NEMP2: variants seen among roughly 807,000 people sequenced by gnomAD.
NEMP2 encodes nuclear envelope integral membrane protein 2.
NEMP2 carries 53 observed loss-of-function variants against 54.2 expected under a neutral mutation model. The observed-to-expected ratio is 0.98, with a 90% confidence interval of 0.78 to 1.23. The LOEUF (loss-of-function observed/expected upper bound fraction) is 1.23, where lower values mean the gene tolerates loss of function less well. Ranked by LOEUF, NEMP2 falls within the 50% of genes most tolerant of loss-of-function variation. The pLI is 0.00. For missense variants in NEMP2, 455 were observed against 511.3 expected, an observed-to-expected ratio of 0.89 and a Z score of 1.06; for synonymous variants, 197 against 190.3, an observed-to-expected ratio of 1.04 and a Z score of -0.29.
downstream of NEMP2, chr2:190,500,727 T>C (rs1689985391): frequency 6.5e-6 from 1 of 153,324 alleles, no homozygotes; most frequent in African/African-American, 2.4e-5. The surrounding 1 kb of genome is among the most constrained non-coding windows in gnomAD (Gnocchi z 5.3). Flanking sequence ...CAGATAAAAG[T>C]AGCACATGTG....
chr2:190,541,305 G>C, the NEMP2 span, among the ~76,000 whole-genome samples: 1,736 of 151,820 alleles, frequency 0.011, 37 homozygotes, highest in African/African-American at 0.038. This position sits in a 1 kb window ranked among gnomAD's most constrained non-coding sequence, Gnocchi z 5.2. Context: ...TTCCTTTCTA[G>C]TTCCTTCAGG....
downstream of NEMP2, chr2:190,501,757 C>T (rs1194690373): frequency 6.6e-6 from 1 of 152,576 alleles, no homozygotes; most frequent in African/African-American, 2.4e-5. Context: ...AATAAAATAA[C>T]TGAAAGAAAT....
At chr2:190,636,903 C>T in the NEMP2 span, among the ~76,000 whole-genome samples, 3 of 152,238 alleles carry the variant, frequency 2.0e-5, no homozygotes, top group African/African-American at 7.2e-5. Flanking sequence ...CCAGAACATT[C>T]AGACAGACAA....
chr2:190,536,876 A>G (rs551909960), upstream of NEMP2, among the ~76,000 whole-genome samples: 4 of 152,348 alleles, frequency 2.6e-5, no homozygotes, highest in African/African-American at 9.6e-5. Flanking sequence ...GATTGACTCA[A>G]CTACCCACAT....
At chr2:190,612,152 C>CTTTTTT in the NEMP2 span, among the ~76,000 whole-genome samples, 4 of 115,786 alleles carry the variant, frequency 3.5e-5, no homozygotes, top group Non-Finnish European at 6.8e-5. Flanking sequence ...AAACATCCCT[C>CTTTTTT]TTTTTTTTTT....
chr2:190,458,155 A>G, the NEMP2 span, among the ~76,000 whole-genome samples: 1 of 152,300 alleles, frequency 6.6e-6, no homozygotes, highest in African/African-American at 2.4e-5. The surrounding 1 kb of genome is among the most constrained non-coding windows in gnomAD (Gnocchi z 5.3). Context: ...TGGAGTTGTA[A>G]GTGACCTCGA....
At chr2:190,587,938 C>G in the NEMP2 span, among the ~76,000 whole-genome samples, 9 of 152,234 alleles carry the variant, frequency 5.9e-5, no homozygotes, top group African/African-American at 1.7e-4. The surrounding 1 kb of genome is among the most constrained non-coding windows in gnomAD (Gnocchi z 5.4). Flanking sequence ...AAGTTAGAGA[C>G]ACACATCTAC....
chr2:190,474,265 A>C, the NEMP2 span, among the ~76,000 whole-genome samples: 1 of 152,190 alleles, frequency 6.6e-6, no homozygotes, highest in African/African-American at 2.4e-5. Context: ...CAAAAAATCA[A>C]TGAATCCAGG....
the NEMP2 span, among the ~76,000 whole-genome samples, chr2:190,639,584 A>G: frequency 6.6e-6 from 1 of 151,462 alleles, no homozygotes; most frequent in Non-Finnish European, 1.5e-5. Context: ...ATCTTTGTTA[A>G]GTAACATTTA....
At chr2:190,574,355 GA>G in the NEMP2 span, among the ~76,000 whole-genome samples, 42 of 147,940 alleles carry the variant, frequency 2.8e-4, no homozygotes, top group African/African-American at 7.9e-4. Context: ...CTTATGAATG[GA>G]AAAAAAAAAG....
At chr2:190,621,048 T>C in the NEMP2 span, among the ~76,000 whole-genome samples, 1 of 109,516 alleles carries the variant, frequency 9.1e-6, no homozygotes, top group Non-Finnish European at 2.1e-5. Context: ...ACAAAATGAG[T>C]AAAAGATCTA....
the NEMP2 span, among the ~76,000 whole-genome samples, chr2:190,542,891 T>C: frequency 1.3e-5 from 2 of 152,240 alleles, no homozygotes; most frequent in African/African-American, 4.8e-5. This position sits in a 1 kb window ranked among gnomAD's most constrained non-coding sequence, Gnocchi z 4.6. Context: ...TCACTGGTTC[T>C]TTGCTTTGTG....
At chr2:190,430,804 C>T in the NEMP2 span, among the ~76,000 whole-genome samples, 1 of 146,336 alleles carries the variant, frequency 6.8e-6, no homozygotes, top group Non-Finnish European at 1.5e-5. Context: ...AGGCGCCCCC[C>T]CCACCTCCCT....
chr2:190,455,668 ATTG>A, the NEMP2 span, among the ~76,000 whole-genome samples: 1 of 152,160 alleles, frequency 6.6e-6, no homozygotes, highest in Non-Finnish European at 1.5e-5. Context: ...ATGCTTAAAA[ATTG>A]GAGAACATTA....
intron 1 of NEMP2, among the ~76,000 whole-genome samples, chr2:190,532,841 G>T (rs1691197234): frequency 6.6e-6 from 1 of 152,198 alleles, no homozygotes; most frequent in Admixed American, 6.5e-5. Flanking sequence ...ACCAGATGCT[G>T]GGCGCTTCAC....
chr2:190,485,240 C>T, the NEMP2 span, among the ~76,000 whole-genome samples: 1 of 152,130 alleles, frequency 6.6e-6, no homozygotes, highest in African/African-American at 2.4e-5. This position sits in a 1 kb window ranked among gnomAD's most constrained non-coding sequence, Gnocchi z 5.1. Flanking sequence ...TCCAAGCCTT[C>T]ACACTTAAAA....
upstream of NEMP2, among the ~76,000 whole-genome samples, chr2:190,537,336 C>T (rs142998217): frequency 1.3e-5 from 2 of 152,272 alleles, no homozygotes; most frequent in African/African-American, 4.8e-5. Context: ...ATTGTAGTTC[C>T]CATAATCCCC....
At chr2:190,499,966 T>C (rs1471954236), downstream of NEMP2, 2 of 1,609,490 alleles carry the variant, frequency 1.2e-6, no homozygotes, top group Non-Finnish European at 1.7e-6. The surrounding 1 kb of genome is among the most constrained non-coding windows in gnomAD (Gnocchi z 6.0). Flanking sequence ...AAAAGTTGGA[T>C]TTATTTGCTA....
At chr2:190,471,226 A>T in the NEMP2 span, among the ~76,000 whole-genome samples, 1 of 152,102 alleles carries the variant, frequency 6.6e-6, no homozygotes, top group Admixed American at 6.6e-5. The surrounding 1 kb of genome is among the most constrained non-coding windows in gnomAD (Gnocchi z 4.7). Context: ...CTCACTGGGG[A>T]TTGTCAGGCA....
Sources: allele counts gnomAD v4.1 joint callset (sites outside exome capture counted in the v4.1 genomes callset), GRCh38; gene constraint gnomAD v4.1.1; non-coding constraint Gnocchi (gnomAD v3.1); transcripts MANE v1.5; gene names NCBI Gene and HGNC (gene_info 2026-07-23, HGNC 2026-07-21).